IQCM: variants seen among roughly 807,000 people sequenced by gnomAD.
The protein encoded by IQCM is IQ domain-containing protein M.
A neutral mutation model predicts 57.6 loss-of-function variants in IQCM; 45 were observed. The observed-to-expected ratio is 0.78, with a 90% CI of 0.62 to 1.00. The LOEUF (loss-of-function observed/expected upper bound fraction) is 1.00, where lower values mean the gene tolerates loss of function less well. IQCM is among the 50% of genes least tolerant of loss of function. The pLI is 0.00. For missense variants in IQCM, 468 were observed against 511.6 expected (o/e 0.91, Z 0.82); for synonymous variants, 148 against 158.9 (o/e 0.93, Z 0.51).
rs558568774 is a variant in IQCM, at chr4:149,551,014, A to G, written c.1093+2129T>C. 2.6e-5 allele frequency among the ~76,000 whole-genome samples: 4 copies of G among 152,316 alleles called. No individual in the cohort carries two copies. In the South Asian group the frequency reaches 8.3e-4, roughly 32 times the overall value. ...TTACCAGAGTGATGTCTGCGACACAAGTTGCTTCATAGTCCTCTGTTCCCA... is the reference window on the plus strand; with the variant it reads ...TTACCAGAGTGATGTCTGCGACACAGGTTGCTTCATAGTCCTCTGTTCCCA... On this transcript the variant is annotated intron_variant, in intron 11 of 13. Transcript: ENST00000636793.
rs565207248 is a variant in IQCM, at chr4:149,568,491, A to G, written c.750-4601T>C. 4.9e-4 allele frequency among the ~76,000 whole-genome samples: 74 copies of G among 152,292 alleles called. 1 individual carries two copies. The South Asian group carries it at 0.015, about 32-fold the overall frequency. ...GGCCTAAGTTGAATATATAACAAAT[A>G]AAATATTAATAAAGCCAGGTACAGT... On this transcript the variant is annotated intron_variant, in intron 9 of 13. Coordinates refer to ENST00000636793, the MANE Select transcript of IQCM (RefSeq NM_001363507.2).
intron 12 of IQCM, among the ~76,000 whole-genome samples, chr4:149,506,659 C>T (rs1468472076): frequency 1.3e-5 from 2 of 152,134 alleles, no homozygotes; most frequent in Admixed American, 6.5e-5. Context: ...AGCCATAGTA[C>T]CAGGTTGCTG....
chr4:149,773,521 T>C (rs1385499490), intron 2 of IQCM, among the ~76,000 whole-genome samples: 2 of 152,182 alleles, frequency 1.3e-5, no homozygotes, highest in Non-Finnish European at 2.9e-5. Flanking sequence ...AACTAACTGT[T>C]CTGTAATGAT....
intron 12 of IQCM, among the ~76,000 whole-genome samples, chr4:149,515,553 G>A (rs1217262384): frequency 6.6e-6 from 1 of 152,166 alleles, no homozygotes; most frequent in East Asian, 1.9e-4. Context: ...CTAGGGCCTG[G>A]TTCACAGATG....
chr4:149,656,760 G>A (rs933400212), intron 7 of IQCM, among the ~76,000 whole-genome samples: 29 of 151,928 alleles, frequency 1.9e-4, no homozygotes, highest in African/African-American at 5.8e-4. Context: ...TACGTAGGGC[G>A]GAATTCTCTT....
intron 13 of IQCM, among the ~76,000 whole-genome samples, chr4:149,360,723 A>G (rs1729417508): frequency 6.6e-6 from 1 of 152,170 alleles, no homozygotes; most frequent in African/African-American, 2.4e-5. Flanking sequence ...ACCTCATGCC[A>G]TGATTCTGAG....
chr4:149,421,748 A>G (rs930326832), intron 13 of IQCM, among the ~76,000 whole-genome samples: 5 of 152,024 alleles, frequency 3.3e-5, no homozygotes, highest in African/African-American at 1.2e-4. Context: ...CTATGCTTCA[A>G]ATTTTAAACG....
At chr4:149,762,172 G>A (rs551812536) in intron 2 of IQCM, among the ~76,000 whole-genome samples, 133 of 151,680 alleles carry the variant, frequency 8.8e-4, no homozygotes, top group Non-Finnish European at 1.7e-3. Flanking sequence ...AATTAAAGGT[G>A]CAAGCTTCCC....
At chr4:149,583,142 T>A (rs1752359607) in intron 9 of IQCM, among the ~76,000 whole-genome samples, 1 of 151,550 alleles carries the variant, frequency 6.6e-6, no homozygotes, top group Non-Finnish European at 1.5e-5. Context: ...TTATTTTAGT[T>A]CCAGTATGCT....
chr4:149,662,587 T>C (rs1451694916), intron 7 of IQCM, among the ~76,000 whole-genome samples: 2 of 151,998 alleles, frequency 1.3e-5, no homozygotes, highest in African/African-American at 2.4e-5. Context: ...TTTAGGAGCT[T>C]TGGTGCTGGG....
chr4:149,461,972 G>A (rs981329625), intron 12 of IQCM, among the ~76,000 whole-genome samples: 1 of 151,976 alleles, frequency 6.6e-6, no homozygotes, highest in African/African-American at 2.4e-5. Flanking sequence ...GTGGCCTGGG[G>A]GTTGGGGTCC....
rs1772297206 is a variant in IQCM at position 149,788,636 on chromosome 4, A to G, written c.-49+26675T>C. Among the ~76,000 whole-genome samples, 3 of 152,226 alleles carry G rather than the reference A, an allele frequency of 2.0e-5. No homozygotes were observed. In the South Asian group the frequency reaches 6.2e-4, roughly 31 times the overall value. ...AACTATCATACAATCCAGAAGTCCC[A>G]TTACTCAATATTTATCCAAAGGAAA... On this transcript the variant is annotated intron_variant, in intron 2 of 13. Coordinates refer to ENST00000636793, the MANE Select transcript of IQCM (RefSeq NM_001363507.2).
chr4:149,689,420 A>G (rs1210817731), intron 5 of IQCM, among the ~76,000 whole-genome samples: 1 of 151,818 alleles, frequency 6.6e-6, no homozygotes, highest in African/African-American at 2.4e-5. Context: ...GGATGGGAGA[A>G]CATTAGGAGA....
At chr4:149,493,240 CT>C (rs1336481090) in intron 12 of IQCM, among the ~76,000 whole-genome samples, 3 of 151,830 alleles carry the variant, frequency 2.0e-5, no homozygotes, top group East Asian at 1.9e-4. Context: ...CTTTAATTTT[CT>C]TTTTTTTCCC....
intron 7 of IQCM, among the ~76,000 whole-genome samples, chr4:149,658,578 C>T (rs1476075677): frequency 6.6e-6 from 1 of 151,708 alleles, no homozygotes; most frequent in Non-Finnish European, 1.5e-5. Context: ...GTAGTATAGC[C>T]ACTTTAACAA....
chr4:149,637,982 GA>G (rs1272594901), intron 7 of IQCM, among the ~76,000 whole-genome samples: 1 of 152,048 alleles, frequency 6.6e-6, no homozygotes, highest in Non-Finnish European at 1.5e-5. Context: ...CTGCTCATAA[GA>G]AAAGGCAAGA....
At chr4:149,726,115 GAAAGAAAGAAAGAAA>G (rs1765894744) in intron 5 of IQCM, among the ~76,000 whole-genome samples, 2 of 147,314 alleles carry the variant, frequency 1.4e-5, no homozygotes, top group Non-Finnish European at 3.0e-5. Flanking sequence ...AAGAAAGAAA[GAAAGAAAGAAAGAAA>G]GAAAGAAAGA....
At chr4:149,377,527 C>A (rs1730781320) in intron 13 of IQCM, among the ~76,000 whole-genome samples, 1 of 152,088 alleles carries the variant, frequency 6.6e-6, no homozygotes, top group African/African-American at 2.4e-5. Context: ...AAACTGTCTT[C>A]TTTTTTCACT....
intron 2 of IQCM, among the ~76,000 whole-genome samples, chr4:149,752,967 TCA>T (rs201053230): frequency 0.013 from 1,949 of 152,260 alleles, 30 homozygotes; most frequent in Admixed American, 0.046. Flanking sequence ...GTTTGAAATA[TCA>T]CTATCAAAGG....
Sources: gnomAD v4.1 joint callset for allele counts (sites outside exome capture counted in the v4.1 genomes callset) on GRCh38, gnomAD v4.1.1 for gene constraint, MANE v1.5 for transcripts, NCBI Gene and HGNC (gene_info 2026-07-23, HGNC 2026-07-21) for gene names.